The following PCDHGB6 variants were observed in gnomAD, a reference collection of about 807,000 sequenced individuals.
PCDHGB6 encodes protocadherin gamma-B6.
Under a neutral mutation model 59.1 loss-of-function variants are expected in PCDHGB6, and 51 were observed. The ratio of observed to expected loss-of-function variants is 0.86; its 90% CI spans 0.69 to 1.09. PCDHGB6 has a LOEUF of 1.09. Among genes scored for constraint, PCDHGB6 ranks in the 50% least tolerant of loss-of-function variants. The probability of loss-of-function intolerance (pLI) is 0.00; values close to 1 mark genes in which losing one functional copy is unlikely to be tolerated. For missense variants in PCDHGB6, 1,148 were observed against 1,205.1 expected (o/e 0.95, Z 0.70); for synonymous variants, 466 against 495.1 (o/e 0.94, Z 0.78).
chr5:141,410,849 C>CTTTTTTTTCTTTTT (rs2095433387), intron 1 of PCDHGB6: 1 of 129,786 alleles, frequency 7.7e-6, no homozygotes, highest in African/African-American at 6.0e-5. Flanking sequence ...TTGTCTTTGT[C>CTTTTTTTTCTTTTT]TTTTTTTTTT....
Position 141,436,609 on chromosome 5 carries a change from A to G in PCDHGB6, c.2418+25989A>G, listed in dbSNP as rs182981534. On this transcript the variant is annotated intron_variant, in intron 1 of 3. Coordinates refer to ENST00000520790, the MANE Select transcript of PCDHGB6 (RefSeq NM_018926.3). ...AAAGGTCGTGGTGATGGCTAGGGCT[A>G]ACAAAAATCTGATTCACAACATGCA... Among the ~76,000 whole-genome samples, 5 of 152,334 alleles carry G rather than the reference A, an allele frequency of 3.3e-5. No homozygotes were observed. The East Asian group carries it at 5.8e-4, about 18-fold the overall frequency.
chr5:141,425,890 G>A (rs943076854), intron 1 of PCDHGB6, among the ~76,000 whole-genome samples: 1 of 152,118 alleles, frequency 6.6e-6, no homozygotes, highest in Non-Finnish European at 1.5e-5. Flanking sequence ...AATCTTCTTT[G>A]GTAGTAAACA....
rs999687684 is a variant in PCDHGB6 at position 141,431,598 on chromosome 5, C to G, written c.2418+20978C>G. 1 of 1,614,074 alleles carries G rather than the reference C, an allele frequency of 6.2e-7. No individual in the cohort carries two copies. The highest frequency in any genetic ancestry group is 1.3e-5 in the African/African-American group (1 of 74,938). On this transcript the variant is annotated intron_variant, in intron 1 of 3. Transcript: ENST00000520790. This position sits in a 1 kb window ranked among gnomAD's most constrained non-coding sequence, Gnocchi z 4.8. ...GGAGTCAATGCGGAAGTGAGGTATT[C>G]CTTCCGGTATGTGGACGACAAGGCG...
chr5:141,459,076 C>T (rs1474375780), intron 1 of PCDHGB6, among the ~76,000 whole-genome samples: 1 of 152,144 alleles, frequency 6.6e-6, no homozygotes, highest in Non-Finnish European at 1.5e-5. Context: ...ATAAAATTTG[C>T]CTTTTAAAAT....
chr5:141,487,529 A>G lies in PCDHGB6; in HGVS notation c.2419-7278A>G, dbSNP rs772843725. ...TGCACCCACTCGGAGTGATAGCTTCATGATGGTGAAGTCACCCAGTGCACC... is the reference window on the plus strand; with the variant it reads ...TGCACCCACTCGGAGTGATAGCTTCGTGATGGTGAAGTCACCCAGTGCACC... On this transcript the variant is annotated intron_variant, in intron 1 of 3. Coordinates refer to ENST00000520790, the MANE Select transcript of PCDHGB6 (RefSeq NM_018926.3). The surrounding 1 kb of genome is among the most constrained non-coding windows in gnomAD (Gnocchi z 5.0). The G allele has an allele frequency of 2.0e-5, 32 of 1,614,168 alleles. No individual in the cohort carries two copies. Among genetic ancestry groups the G allele is most frequent in the Non-Finnish European group, 2.5e-5 (29 of 1,180,040 alleles).
rs532725430 is a variant in PCDHGB6, at chr5:141,429,107, G to A, written c.2418+18487G>A. On this transcript the variant is annotated intron_variant, in intron 1 of 3. Transcript: ENST00000520790. ...CTGACCTCGTGATCTGCCCGCCTCG[G>A]CCTCCCAAAGTGCTGGGATTATAGG... The A allele has an allele frequency of 3.8e-3, 579 of 152,026 alleles. 5 individuals are homozygous for A. Among genetic ancestry groups the A allele is most frequent in the Admixed American group, 0.011 (166 of 15,232 alleles). The allele number at this position is 152,026 out of a possible 1,614,324, so 9.4% of individuals were successfully genotyped here. A position where few individuals can be genotyped will look rare whatever the true frequency, so the allele number is the denominator to read the frequency against.
rs138641753 is a variant in PCDHGB6, at chr5:141,430,814, C to T, written c.2418+20194C>T. On this transcript the variant is annotated intron_variant, in intron 1 of 3. Transcript: ENST00000520790. ...CAAAGGGCTTGTCCTGCTGGGAATC[C>T]TCCTGGGGACTCTGTGGGAGACCGG... is the stretch of plus-strand genomic sequence containing the variant. 97 of 1,534,514 alleles carry T rather than the reference C, an allele frequency of 6.3e-5. No homozygotes were observed. The African/African-American group carries it at 1.1e-3, about 17-fold the overall frequency.
In PCDHGB6 at chr5:141,477,070, T is replaced by A; in HGVS notation, c.2419-17737T>A. 6.2e-7 allele frequency: 1 copy of A among 1,613,342 alleles called. No individual in the cohort carries two copies. The highest frequency in any genetic ancestry group is 8.5e-7 in the Non-Finnish European group (1 of 1,179,244). ...TGGACTTCGAGGACACCAAACTCCATGAGATTTACATCCAGGCCAAAGACA... is the reference window on the plus strand; with the variant it reads ...TGGACTTCGAGGACACCAAACTCCAAGAGATTTACATCCAGGCCAAAGACA... On this transcript the variant is annotated intron_variant, in intron 1 of 3. Coordinates refer to ENST00000520790, the MANE Select transcript of PCDHGB6 (RefSeq NM_018926.3). The surrounding 1 kb of genome is among the most constrained non-coding windows in gnomAD (Gnocchi z 4.9).
intron 1 of PCDHGB6, among the ~76,000 whole-genome samples, chr5:141,459,789 G>A (rs960868607): frequency 6.6e-6 from 1 of 152,206 alleles, no homozygotes; most frequent in Non-Finnish European, 1.5e-5. Context: ...AGTTTCAACT[G>A]TTTTTCCCTG....
Position 141,409,904 on chromosome 5 carries a change from G to A in PCDHGB6, c.1702G>A (p.Gly568Ser). ...ACCGCGGGTGCTGTACCCAGCTCTG[G>A]GTCCTGACGGCTCCGCGTTCTTCGA... ...NAPRVLYPAL[G>S]PDGSAFFDMV... Residue 568 changes from glycine to serine, a missense_variant, in exon 1 of 4, where the codon GGT (glycine) becomes AGT (serine). This residue lies in a region of PCDHGB6 where 549 missense variants were observed against 527.5 expected (regional missense o/e 1.04). Transcript: ENST00000520790. The A allele has an allele frequency of 1.9e-6, 3 of 1,613,278 alleles. No individual in the cohort carries two copies. Among genetic ancestry groups the A allele is most frequent in the Non-Finnish European group, 2.5e-6 (3 of 1,179,724 alleles).
chr5:141,504,824 C>T (rs537283013), intron 2 of PCDHGB6, among the ~76,000 whole-genome samples: 4 of 152,230 alleles, frequency 2.6e-5, no homozygotes, highest in South Asian at 4.1e-4. Context: ...TAGGTCCCCA[C>T]TTTTTCTCTA....
chr5:141,488,552 A>C (rs993681273), intron 1 of PCDHGB6, among the ~76,000 whole-genome samples: 1 of 152,194 alleles, frequency 6.6e-6, no homozygotes, highest in African/African-American at 2.4e-5. Context: ...GTCAGCTGAC[A>C]TTGAGATTTC....
rs148558897 is a variant in PCDHGB6, at chr5:141,489,890, G to A, written c.2419-4917G>A. On this transcript the variant is annotated intron_variant, in intron 1 of 3. Coordinates refer to ENST00000520790, the MANE Select transcript of PCDHGB6 (RefSeq NM_018926.3). The surrounding 1 kb of genome is among the most constrained non-coding windows in gnomAD (Gnocchi z 4.5). Reference sequence around the variant, plus strand: ...CAGCTGGTGCTTACTGCTGTGGATGGGGGGACCCCAGCCCGCTCAGGGACC... The same window carrying A: ...CAGCTGGTGCTTACTGCTGTGGATGAGGGGACCCCAGCCCGCTCAGGGACC... 6.2e-7 allele frequency: 1 copy of A among 1,614,198 alleles called. No homozygotes were observed. The highest frequency in any genetic ancestry group is 8.5e-7 in the Non-Finnish European group (1 of 1,180,028).
rs372168887 is a variant in PCDHGB6, at chr5:141,477,322, C to T, written c.2419-17485C>T. On this transcript the variant is annotated intron_variant, in intron 1 of 3. Transcript: ENST00000520790. The surrounding 1 kb of genome is among the most constrained non-coding windows in gnomAD (Gnocchi z 4.9). The stretch of plus-strand genomic sequence containing the variant: ...GTCTCCCTTTCAGCCTTACTTCTTC[C>T]CTCAAGAATTACTTCACTTTGAAAA... 17 of 1,614,050 alleles carry T rather than the reference C, an allele frequency of 1.1e-5. No homozygotes were observed. In the African/African-American group the frequency reaches 1.5e-4, roughly 14 times the overall value.
chr5:141,470,911 G>C (rs1208467445), intron 1 of PCDHGB6, among the ~76,000 whole-genome samples: 1 of 151,916 alleles, frequency 6.6e-6, no homozygotes, highest in African/African-American at 2.4e-5. Context: ...AGATGGGACT[G>C]TCCCTATGTT....
intron 1 of PCDHGB6, chr5:141,427,726 T>C: frequency 8.7e-7 from 1 of 1,155,152 alleles, no homozygotes; most frequent in Non-Finnish European, 1.3e-6. Context: ...GACCTAGGGC[T>C]GAATGGCCAA....
At chr5:141,414,520 A>G in intron 1 of PCDHGB6, 1 of 1,613,990 alleles carries the variant, frequency 6.2e-7, no homozygotes, top group Non-Finnish European at 8.5e-7. Flanking sequence ...AGTGGCAGAT[A>G]TCAATGACAA....
intron 1 of PCDHGB6, chr5:141,423,848 G>A: frequency 1.6e-6 from 2 of 1,277,462 alleles, no homozygotes; most frequent in Non-Finnish European, 2.0e-6. Flanking sequence ...TAATCTTTCA[G>A]AACGTTTTTG....
chr5:141,414,990 C>A (rs1442265707), intron 1 of PCDHGB6: 5 of 1,613,794 alleles, frequency 3.1e-6, no homozygotes, highest in Admixed American at 1.7e-5. Context: ...CCGGCCAGAA[C>A]GCCTGGCTGT....
Sources: gnomAD v4.1 joint callset for allele counts (sites outside exome capture counted in the v4.1 genomes callset) on GRCh38, gnomAD v4.1.1 for gene constraint, gnomAD v4.1.1 regional missense constraint, Gnocchi (gnomAD v3.1) non-coding constraint, MANE v1.5 for transcripts, NCBI Gene and HGNC (gene_info 2026-07-23, HGNC 2026-07-21) for gene names.